Variants in AVEN observed in about 807,000 individuals in gnomAD.
The protein encoded by AVEN is cell death regulator Aven.
A neutral mutation model predicts 38.1 loss-of-function variants in AVEN; 41 were observed. That is an observed-to-expected ratio of 1.08 (90% confidence interval 0.84 to 1.40). The LOEUF (loss-of-function observed/expected upper bound fraction) is 1.40, where lower values mean the gene tolerates loss of function less well. Among genes scored for constraint, AVEN ranks in the 40% most tolerant of loss-of-function variants. AVEN has a pLI of 0.00. For missense variants in AVEN, 605 were observed against 438.8 expected (o/e 1.38, Z -3.38); for synonymous variants, 206 against 171.8 (o/e 1.20, Z -1.56).
chr15:33,974,160 T>G (rs1895769216), intron 2 of AVEN, among the ~76,000 whole-genome samples: 1 of 152,220 alleles, frequency 6.6e-6, no homozygotes, highest in Non-Finnish European at 1.5e-5. Context: ...ATTTCATCGA[T>G]AATCCAAAAG....
intron 2 of AVEN, among the ~76,000 whole-genome samples, chr15:33,984,853 A>G (rs1394636984): frequency 6.6e-6 from 1 of 152,156 alleles, no homozygotes; most frequent in African/African-American, 2.4e-5. Context: ...ATAACAGTTC[A>G]TTCACTCATT....
At chr15:33,862,839 G>A (rs1474969075), downstream of AVEN, among the ~76,000 whole-genome samples, 1 of 152,048 alleles carries the variant, frequency 6.6e-6, no homozygotes, top group Non-Finnish European at 1.5e-5. Flanking sequence ...TCAAACTCCT[G>A]ACCTGAAGTG....
At chr15:33,896,042 T>G (rs767015041) in intron 2 of AVEN, among the ~76,000 whole-genome samples, 29 of 152,282 alleles carry the variant, frequency 1.9e-4, no homozygotes, top group East Asian at 1.5e-3. Context: ...CACGAAACAT[T>G]GCTCTGGTCT....
intron 4 of AVEN, among the ~76,000 whole-genome samples, chr15:33,870,251 C>G (rs1890881658): frequency 6.6e-6 from 1 of 152,196 alleles, no homozygotes; most frequent in South Asian, 2.1e-4. Context: ...AACAGCCTCC[C>G]CATGTGCCTC....
chr15:33,963,532 C>T (rs1895276938), intron 2 of AVEN, among the ~76,000 whole-genome samples: 1 of 152,076 alleles, frequency 6.6e-6, no homozygotes, highest in African/African-American at 2.4e-5. Context: ...CGCGGTGGCT[C>T]ACGCCTATAA....
chr15:33,889,067 C>T lies in AVEN; in HGVS notation c.446-13072G>A, dbSNP rs180783408. The stretch of plus-strand genomic sequence containing the variant: ...TAACTCAGGTGAGATGTACGTCTTA[C>T]AGATATTTTAAAATTATTATTTTAA... On this transcript the variant is annotated intron_variant, in intron 2 of 5. Coordinates refer to ENST00000306730, the MANE Select transcript of AVEN (RefSeq NM_020371.3). Among the ~76,000 whole-genome samples, 14 of 152,224 alleles carry T rather than the reference C, an allele frequency of 9.2e-5. No homozygotes were observed. In the South Asian group the frequency reaches 2.7e-3, roughly 29 times the overall value.
At chr15:33,971,290 A>G (rs10162617) in intron 2 of AVEN, among the ~76,000 whole-genome samples, 11,839 of 152,088 alleles carry the variant, frequency 0.078, 1,420 homozygotes, top group African/African-American at 0.26. Context: ...CACACATATT[A>G]TATAAAAGTA....
At chr15:33,981,130 T>A (rs926208703) in intron 2 of AVEN, among the ~76,000 whole-genome samples, 17 of 152,156 alleles carry the variant, frequency 1.1e-4, no homozygotes, top group Non-Finnish European at 1.9e-4. Context: ...CTCTCAAAAT[T>A]GTGGAGAGAA....
chr15:33,999,486 T>C (rs969503645), intron 2 of AVEN, among the ~76,000 whole-genome samples: 6 of 152,202 alleles, frequency 3.9e-5, no homozygotes, highest in South Asian at 2.1e-4. Flanking sequence ...ATCTCACTTT[T>C]AATACATGCA....
At chr15:33,906,226 A>G (rs1289138455) in intron 2 of AVEN, among the ~76,000 whole-genome samples, 1 of 152,170 alleles carries the variant, frequency 6.6e-6, no homozygotes, top group Non-Finnish European at 1.5e-5. Flanking sequence ...AAGGCAAACA[A>G]CAAAGAGGAA....
chr15:34,055,605 T>A (rs1208271357), intron 5 of AVEN, among the ~76,000 whole-genome samples: 1 of 151,740 alleles, frequency 6.6e-6, no homozygotes, highest in Admixed American at 6.6e-5. Flanking sequence ...ATCAAGACCA[T>A]CCTGGCTAAC....
chr15:34,027,044 C>A (rs1281843014), intron 1 of AVEN, among the ~76,000 whole-genome samples: 1 of 152,178 alleles, frequency 6.6e-6, no homozygotes, highest in Non-Finnish European at 1.5e-5. Flanking sequence ...CCTCTGCAAA[C>A]CCACTCTACT....
At chr15:33,872,394 C>G (rs117119200) in intron 3 of AVEN, among the ~76,000 whole-genome samples, 2 of 152,166 alleles carry the variant, frequency 1.3e-5, no homozygotes, top group African/African-American at 4.8e-5. Context: ...TTCAATCAGA[C>G]TATTACATCC....
chr15:33,909,476 G>C (rs1374675774), intron 2 of AVEN, among the ~76,000 whole-genome samples: 1 of 152,088 alleles, frequency 6.6e-6, no homozygotes, highest in East Asian at 1.9e-4. Flanking sequence ...CAAAAAAGCA[G>C]GAATCTTTTA....
chr15:33,853,036 G>GT, the AVEN span: 1 of 1,602,058 alleles, frequency 6.2e-7, no homozygotes, highest in South Asian at 1.1e-5. Flanking sequence ...TTTTCGTTTT[G>GT]TTTTTCAGAT....
chr15:33,949,182 C>T (rs1047323523), intron 2 of AVEN, among the ~76,000 whole-genome samples: 2 of 152,088 alleles, frequency 1.3e-5, no homozygotes, highest in East Asian at 1.9e-4. Flanking sequence ...CGCCACCACG[C>T]CCGGCTAATT....
intron 1 of AVEN, among the ~76,000 whole-genome samples, chr15:34,037,625 C>T (rs1899208570): frequency 6.6e-6 from 1 of 150,942 alleles, no homozygotes; most frequent in Non-Finnish European, 1.5e-5. Context: ...TAGTTTCTGT[C>T]ATTTACCTTA....
At chr15:33,873,202 C>T (rs957153504) in intron 3 of AVEN, among the ~76,000 whole-genome samples, 2 of 142,696 alleles carry the variant, frequency 1.4e-5, no homozygotes, top group South Asian at 4.7e-4. Flanking sequence ...TTGGTTCAAG[C>T]GATTCTCCTG....
intron 2 of AVEN, among the ~76,000 whole-genome samples, chr15:33,932,913 G>A (rs1176713465): frequency 6.6e-6 from 1 of 152,086 alleles, no homozygotes; most frequent in African/African-American, 2.4e-5. Context: ...AATATAGTGG[G>A]TGTCAGCATT....
Sources: gnomAD v4.1 joint callset for allele counts (sites outside exome capture counted in the v4.1 genomes callset) on GRCh38, gnomAD v4.1.1 for gene constraint, MANE v1.5 for transcripts, NCBI Gene and HGNC (gene_info 2026-07-23, HGNC 2026-07-21) for gene names.